NDFIP2: variants seen among roughly 807,000 people sequenced by gnomAD.
NDFIP2 encodes Nedd4 family interacting protein 2.
In NDFIP2, 19 loss-of-function variants were observed where a neutral mutation model predicts 36.0. The ratio of observed to expected loss-of-function variants is 0.53; its 90% CI spans 0.37 to 0.77. The LOEUF is 0.77. NDFIP2 is among the 30% of genes least tolerant of loss of function. The pLI is 0.00. For synonymous variants in NDFIP2, 181 were observed against 167.7 expected, an observed-to-expected ratio of 1.08 and a Z score of -0.61; for missense variants, 446 against 435.8, an observed-to-expected ratio of 1.02 and a Z score of -0.21.
chr13:79,501,417 A>G (rs930073858), intron 1 of NDFIP2, among the ~76,000 whole-genome samples: 5 of 152,090 alleles, frequency 3.3e-5, no homozygotes, highest in Middle Eastern at 3.4e-3. Context: ...AAGGGGGTGT[A>G]TGGGAAAGCT....
Position 79,507,378 on chromosome 13 carries a change from A to G in NDFIP2, c.322-13432A>G, listed in dbSNP as rs1321165425. ...AAGCTCCGCCTCCCGGGTTCACGCCATTCTCCTGCCTCAGCCTCCCAAGTA... is the reference window on the plus strand; with the variant it reads ...AAGCTCCGCCTCCCGGGTTCACGCCGTTCTCCTGCCTCAGCCTCCCAAGTA... On this transcript the variant is annotated intron_variant, in intron 1 of 7. Coordinates refer to ENST00000218652, the MANE Select transcript of NDFIP2 (RefSeq NM_019080.3). Among the ~76,000 whole-genome samples, 5 of 25,942 alleles carry G rather than the reference A, an allele frequency of 1.9e-4. 2 individuals are homozygous for G. Among genetic ancestry groups the G allele is most frequent in the Admixed American group, 1.4e-3 (3 of 2,088 alleles). 17.0% of individuals were successfully genotyped at this position (25,942 alleles called of 152,430 possible). A position where few individuals can be genotyped will look rare whatever the true frequency, so the allele number is the denominator to read the frequency against.
intron 3 of NDFIP2, among the ~76,000 whole-genome samples, chr13:79,534,373 T>TTG (rs1875145469): frequency 3.4e-5 from 5 of 148,616 alleles, no homozygotes; most frequent in African/African-American, 1.2e-4. Context: ...TTTTTTTTTT[T>TTG]GATAACATTC....
At chr13:79,532,235 G>A (rs1875044447) in intron 2 of NDFIP2, among the ~76,000 whole-genome samples, 1 of 152,206 alleles carries the variant, frequency 6.6e-6, no homozygotes, top group African/African-American at 2.4e-5. Flanking sequence ...TGATACACTT[G>A]TTCAATGTGG....
Position 79,533,450 on chromosome 13 carries a change from T to A in NDFIP2, c.615T>A (p.Ser205=), listed in dbSNP as rs1377919040. 1.3e-6 allele frequency: 2 copies of A among 1,591,064 alleles called. No homozygotes were observed. The highest frequency in any genetic ancestry group is 1.9e-5 in the Admixed American group (1 of 52,832). ...AAMAAAAAET[S]QRIQEEECPP... ...TGGCAGCTGCAGCAGCAGAAACATC[T>A]CAAAGAGTAAGAAAATTTCATCATT... Residue 205 remains serine, a synonymous_variant, in exon 3 of 8, where the codon TCT becomes TCA. Transcript: ENST00000218652.
intron 1 of NDFIP2, among the ~76,000 whole-genome samples, chr13:79,506,172 C>T (rs1873859281): frequency 6.6e-6 from 1 of 151,978 alleles, no homozygotes; most frequent in South Asian, 2.1e-4. Context: ...TTCTAGGGAA[C>T]TTGGAAAAAA....
intron 1 of NDFIP2, among the ~76,000 whole-genome samples, chr13:79,517,352 T>C (rs1396200160): frequency 2.0e-5 from 3 of 152,146 alleles, no homozygotes; most frequent in South Asian, 4.1e-4. Context: ...TTTTGCTGTT[T>C]AGATGATTGT....
intron 3 of NDFIP2, among the ~76,000 whole-genome samples, chr13:79,533,911 G>A (rs1164787381): frequency 6.6e-6 from 1 of 152,118 alleles, no homozygotes; most frequent in Non-Finnish European, 1.5e-5. Context: ...AAGGGTTACT[G>A]TATTTGTTCT....
At chr13:79,549,390 T>C (rs936840585) in intron 6 of NDFIP2, among the ~76,000 whole-genome samples, 6 of 151,980 alleles carry the variant, frequency 3.9e-5, no homozygotes, top group Non-Finnish European at 8.8e-5. Context: ...TTTAAGCATA[T>C]TAAATGAGTA....
intron 7 of NDFIP2, among the ~76,000 whole-genome samples, chr13:79,551,601 G>A (rs1268578479): frequency 6.6e-6 from 1 of 151,452 alleles, no homozygotes; most frequent in Non-Finnish European, 1.5e-5. Flanking sequence ...CTGGATTAAG[G>A]AATAAAAGTC....
intron 2 of NDFIP2, among the ~76,000 whole-genome samples, chr13:79,522,553 G>A (rs961476026): frequency 8.5e-5 from 13 of 152,134 alleles, no homozygotes; most frequent in African/African-American, 3.1e-4. Context: ...GGAGTGGACT[G>A]GACTGAACTA....
At position 79,543,649 on chromosome 13, in the gene NDFIP2, C is replaced by A. The variant is rs777585169; in HGVS notation, c.807C>A (p.Gly269=). The A allele has an allele frequency of 1.2e-6, 2 of 1,613,776 alleles. No individual in the cohort carries two copies. Among genetic ancestry groups the A allele is most frequent in the Non-Finnish European group, 1.7e-6 (2 of 1,179,824 alleles). ...AGRYGAICGF[G]LSLIKWILIV... ...GGTATGGTGCTATCTGCGGATTTGG[C>A]CTTTCCTTGATCAAATGGATCCTTA... The change falls in exon 5 of 8, where the codon GGC becomes GGA. Residue 269 remains glycine (G), a synonymous_variant. Coordinates refer to ENST00000218652, the MANE Select transcript of NDFIP2 (RefSeq NM_019080.3).
chr13:79,545,485 T>C (rs1875631777), intron 5 of NDFIP2, among the ~76,000 whole-genome samples: 1 of 152,226 alleles, frequency 6.6e-6, no homozygotes, highest in South Asian at 2.1e-4. Flanking sequence ...AAAATACTTT[T>C]ACTGAGTTAG....
chr13:79,506,216 A>G (rs1873861027), intron 1 of NDFIP2, among the ~76,000 whole-genome samples: 2 of 152,156 alleles, frequency 1.3e-5, no homozygotes, highest in Non-Finnish European at 2.9e-5. Context: ...AGAAAATACA[A>G]CTTGTAAGCA....
At chr13:79,527,487 C>T (rs1198155080) in intron 2 of NDFIP2, among the ~76,000 whole-genome samples, 5 of 152,060 alleles carry the variant, frequency 3.3e-5, no homozygotes, top group Non-Finnish European at 4.4e-5. Context: ...TGCTGCATAA[C>T]AACATTTTGG....
chr13:79,484,857 C>G (rs1333626943), intron 1 of NDFIP2, among the ~76,000 whole-genome samples: 2 of 152,130 alleles, frequency 1.3e-5, no homozygotes, highest in Admixed American at 6.6e-5. Context: ...TACTTTACAT[C>G]TTGAAGCCTC....
At chr13:79,522,966 ACT>A (rs980332070) in intron 2 of NDFIP2, among the ~76,000 whole-genome samples, 2 of 151,956 alleles carry the variant, frequency 1.3e-5, no homozygotes, top group Non-Finnish European at 2.9e-5. Context: ...AACTTTTAAA[ACT>A]CTCACAACTG....
At chr13:79,542,296 G>A (rs896100614) in intron 4 of NDFIP2, among the ~76,000 whole-genome samples, 1 of 152,130 alleles carries the variant, frequency 6.6e-6, no homozygotes. Flanking sequence ...TATCATTTTA[G>A]ACTTGAGGGA....
At chr13:79,502,257 A>G (rs1873695514) in intron 1 of NDFIP2, among the ~76,000 whole-genome samples, 1 of 152,166 alleles carries the variant, frequency 6.6e-6, no homozygotes, top group African/African-American at 2.4e-5. Context: ...TTCATTTAGC[A>G]TCTAGCTTTT....
intron 1 of NDFIP2, among the ~76,000 whole-genome samples, chr13:79,483,283 G>A (rs1454848484): frequency 6.6e-6 from 1 of 151,912 alleles, no homozygotes; most frequent in Admixed American, 6.6e-5. Context: ...AACTAACATT[G>A]TAAGGCAATG....
Sources: gnomAD v4.1 joint callset for allele counts (sites outside exome capture counted in the v4.1 genomes callset) on GRCh38, gnomAD v4.1.1 for gene constraint, MANE v1.5 for transcripts, NCBI Gene and HGNC (gene_info 2026-07-23, HGNC 2026-07-21) for gene names.